Variants in MAF observed in about 807,000 individuals in gnomAD.
MAF encodes the protein transcription factor Maf.
MAF carries 10 observed loss-of-function variants against 22.0 expected under a neutral mutation model. The ratio of observed to expected loss-of-function variants is 0.45; its 90% CI spans 0.28 to 0.77. The LOEUF (loss-of-function observed/expected upper bound fraction) is 0.77. Ranked by LOEUF, MAF falls within the 30% of genes least tolerant of loss-of-function variation. The pLI, the probability that MAF is intolerant of heterozygous loss-of-function variation, is 0.12. For missense variants in MAF, 544 were observed against 548.4 expected (o/e 0.99, Z 0.08); for synonymous variants, 337 against 255.8 (o/e 1.32, Z -3.03).
chr16:79,318,465 G>A, the MAF span, among the ~76,000 whole-genome samples: 2 of 152,238 alleles, frequency 1.3e-5, no homozygotes, highest in East Asian at 1.9e-4. Flanking sequence ...ACATGTGACA[G>A]CCACAAACCT....
chr16:79,378,042 T>C, the MAF span, among the ~76,000 whole-genome samples: 4 of 152,188 alleles, frequency 2.6e-5, no homozygotes, highest in African/African-American at 9.6e-5. Flanking sequence ...AACTTTAAAG[T>C]AGGTTTTCCC....
the MAF span, among the ~76,000 whole-genome samples, chr16:79,414,757 G>A: frequency 6.6e-6 from 1 of 152,158 alleles, no homozygotes; most frequent in Non-Finnish European, 1.5e-5. Flanking sequence ...TTGTTAATCA[G>A]GAAAAACTGT....
At chr16:79,454,355 A>C in the MAF span, among the ~76,000 whole-genome samples, 1 of 151,992 alleles carries the variant, frequency 6.6e-6, no homozygotes, top group Non-Finnish European at 1.5e-5. Flanking sequence ...AGTCGAAGGA[A>C]GTCTGTTGTA....
At chr16:79,445,211 T>C in the MAF span, among the ~76,000 whole-genome samples, 2,380 of 19,666 alleles carry the variant, frequency 0.12, 58 homozygotes, top group African/African-American at 0.19. Flanking sequence ...TTTTTTGTAT[T>C]TTTTTTTTTT....
the MAF span, among the ~76,000 whole-genome samples, chr16:79,261,386 C>A: frequency 6.6e-6 from 1 of 152,174 alleles, no homozygotes; most frequent in South Asian, 2.1e-4. Flanking sequence ...CTCACAACCT[C>A]AAGTGATCCA....
At chr16:79,292,325 T>G in the MAF span, among the ~76,000 whole-genome samples, 76 of 152,012 alleles carry the variant, frequency 5.0e-4, no homozygotes, top group Non-Finnish European at 8.7e-4. Context: ...AAGCAGAGAT[T>G]GGGGTGATGT....
the MAF span, among the ~76,000 whole-genome samples, chr16:79,352,659 A>G: frequency 6.6e-6 from 1 of 152,214 alleles, no homozygotes; most frequent in Non-Finnish European, 1.5e-5. Context: ...AAGTAGAGGC[A>G]GATAGAACCC....
the MAF span, among the ~76,000 whole-genome samples, chr16:79,239,013 G>C: frequency 2.0e-5 from 3 of 151,942 alleles, no homozygotes; most frequent in Non-Finnish European, 1.5e-5. Context: ...CTGGCTACAA[G>C]CTGGGGAGGT....
At chr16:79,222,965 C>G in the MAF span, among the ~76,000 whole-genome samples, 1 of 152,122 alleles carries the variant, frequency 6.6e-6, no homozygotes, top group Non-Finnish European at 1.5e-5. Context: ...ATCGACGAGA[C>G]AGAAAATTAA....
chr16:79,282,786 G>T, the MAF span, among the ~76,000 whole-genome samples: 4 of 152,144 alleles, frequency 2.6e-5, no homozygotes, highest in Admixed American at 2.0e-4. Context: ...ATTCTCCCTT[G>T]AACAGTATTT....
At chr16:79,442,947 A>G in the MAF span, among the ~76,000 whole-genome samples, 6 of 152,206 alleles carry the variant, frequency 3.9e-5, no homozygotes, top group African/African-American at 1.4e-4. Context: ...GCATTGGTAC[A>G]CCAGCCAGAA....
At chr16:79,385,516 C>T in the MAF span, among the ~76,000 whole-genome samples, 21 of 152,276 alleles carry the variant, frequency 1.4e-4, no homozygotes, top group East Asian at 1.5e-3. Flanking sequence ...TTTTAACGTA[C>T]GCAAGCATGC....
chr16:79,449,579 T>A, the MAF span, among the ~76,000 whole-genome samples: 1 of 152,194 alleles, frequency 6.6e-6, no homozygotes, highest in South Asian at 2.1e-4. Flanking sequence ...GCAGTTGCTC[T>A]GTGTGAGGCA....
At chr16:79,213,253 T>C in the MAF span, among the ~76,000 whole-genome samples, 10 of 152,244 alleles carry the variant, frequency 6.6e-5, no homozygotes, top group African/African-American at 2.2e-4. Flanking sequence ...GGCCAGACAA[T>C]GTCTTGAACT....
At chr16:79,570,513 G>A in the MAF span, among the ~76,000 whole-genome samples, 1 of 152,108 alleles carries the variant, frequency 6.6e-6, no homozygotes, top group Admixed American at 6.5e-5. Context: ...TAACTTCTCT[G>A]CTTAGTTTGT....
the MAF span, among the ~76,000 whole-genome samples, chr16:79,237,188 C>T: frequency 2.0e-5 from 3 of 152,096 alleles, no homozygotes; most frequent in South Asian, 4.2e-4. Flanking sequence ...CCTCATAATC[C>T]TATGTGTAAT....
chr16:79,208,754 G>A, the MAF span, among the ~76,000 whole-genome samples: 1 of 152,108 alleles, frequency 6.6e-6, no homozygotes, highest in Non-Finnish European at 1.5e-5. Flanking sequence ...AAAAGCTGGT[G>A]AGCCAAAAAT....
At chr16:79,517,777 G>A in the MAF span, among the ~76,000 whole-genome samples, 4 of 152,188 alleles carry the variant, frequency 2.6e-5, no homozygotes, top group African/African-American at 7.2e-5. Flanking sequence ...GTTTCACCAT[G>A]TTGGCCAGGC....
At chr16:79,429,892 C>G in the MAF span, among the ~76,000 whole-genome samples, 75 of 152,274 alleles carry the variant, frequency 4.9e-4, no homozygotes, top group Non-Finnish European at 7.8e-4. Context: ...ATTTGTAGGT[C>G]TTGCTGGATG....
Sources: allele counts gnomAD v4.1 joint callset (sites outside exome capture counted in the v4.1 genomes callset), GRCh38; gene constraint gnomAD v4.1.1; transcripts MANE v1.5; gene names NCBI Gene and HGNC (gene_info 2026-07-23, HGNC 2026-07-21).